The following NFASC variants were observed in gnomAD, a reference collection of about 807,000 sequenced individuals.
NFASC encodes neurofascin, also known as neurofascin homolog.
A neutral mutation model predicts 147.5 loss-of-function variants in NFASC; 43 were observed. The ratio of observed to expected loss-of-function variants is 0.29; its 90% CI spans 0.23 to 0.38. The LOEUF is 0.38. Among genes scored for constraint, NFASC ranks in the 10% least tolerant of loss-of-function variants. The probability of loss-of-function intolerance (pLI) is 1.00; values close to 1 mark genes in which losing one functional copy is unlikely to be tolerated. For missense variants in NFASC, 1,320 were observed against 1,689.0 expected, an observed-to-expected ratio of 0.78 and a Z score of 3.83; for synonymous variants, 622 against 665.5, an observed-to-expected ratio of 0.93 and a Z score of 1.01.
intron 1 of NFASC, among the ~76,000 whole-genome samples, chr1:204,883,055 G>A (rs1042833973): frequency 9.2e-5 from 14 of 152,064 alleles, no homozygotes; most frequent in African/African-American, 3.1e-4. Context: ...CTAGAGGTAG[G>A]GTGTGTTGGA....
rs143548351 is a variant in NFASC at position 204,880,148 on chromosome 1, G to T, written c.-199-40484G>T. 6.9e-3 allele frequency among the ~76,000 whole-genome samples: 1,054 copies of T among 152,194 alleles called. 15 individuals are homozygous for T. The highest frequency in any genetic ancestry group is 0.024 in the African/African-American group (1,006 of 41,512). ...AGAACCTCTTTTCTTCTCATCCCAG[G>T]AAGCCCCTCATCCCTGTCCATGTTT... On this transcript the variant is annotated intron_variant, in intron 1 of 29. Coordinates refer to ENST00000339876, the MANE Select transcript of NFASC (RefSeq NM_001005388.3).
intron 3 of NFASC, among the ~76,000 whole-genome samples, chr1:204,949,208 G>A (rs749299389): frequency 6.6e-6 from 1 of 152,272 alleles, no homozygotes; most frequent in Admixed American, 6.5e-5. Context: ...AGCATGTACG[G>A]CAGGGCCCTT....
At chr1:204,992,624 C>T (rs2095759706) in intron 24 of NFASC, among the ~76,000 whole-genome samples, 1 of 152,198 alleles carries the variant, frequency 6.6e-6, no homozygotes, top group Non-Finnish European at 1.5e-5. Context: ...CCTTGCCACA[C>T]TGGGGGCCTC....
At chr1:204,918,866 A>G (rs1466720166) in intron 1 of NFASC, among the ~76,000 whole-genome samples, 1 of 152,002 alleles carries the variant, frequency 6.6e-6, no homozygotes, top group Admixed American at 6.6e-5. Flanking sequence ...GATTATAGGC[A>G]TGAGCCACTG....
In NFASC at chr1:204,877,436, C is replaced by A. The variant is rs527547660; in HGVS notation, c.-199-43196C>A. On this transcript the variant is annotated intron_variant, in intron 1 of 29. Coordinates refer to ENST00000339876, the MANE Select transcript of NFASC (RefSeq NM_001005388.3). ...TATCAAAACTGCAAAATGGAACAGG[C>A]AGGCAGTTGGTTGAAATCGGGGGTG... 3.6e-4 allele frequency among the ~76,000 whole-genome samples: 54 copies of A among 152,058 alleles called. 1 individual carries two copies. Among genetic ancestry groups the A allele is most frequent in the African/African-American group, 1.2e-3 (50 of 41,470 alleles).
chr1:204,835,666 T>G (rs1445993934), intron 1 of NFASC, among the ~76,000 whole-genome samples: 1 of 152,126 alleles, frequency 6.6e-6, no homozygotes, highest in Non-Finnish European at 1.5e-5. Context: ...GTGCATGTAA[T>G]TCAGTAGTGA....
chr1:204,988,976 G>A, intron 23 of NFASC, 170 bp downstream of exon 23: 1 of 646,848 alleles, frequency 1.5e-6, no homozygotes, highest in East Asian at 2.7e-5. Context: ...GTAGGTGCTG[G>A]CATTGTATCT....
intron 2 of NFASC, among the ~76,000 whole-genome samples, chr1:204,938,852 C>G (rs1053532865): frequency 1.3e-5 from 2 of 152,148 alleles, no homozygotes; most frequent in Non-Finnish European, 2.9e-5. Flanking sequence ...ATTGAGGGCC[C>G]GGGAATCTGT....
chr1:204,983,965 A>C (rs2095557420), intron 21 of NFASC: 1 of 1,172,238 alleles, frequency 8.5e-7, no homozygotes, highest in African/African-American at 1.5e-5. Context: ...AGCAGAGAAC[A>C]AGTCAGAAGC....
At chr1:204,889,611 C>G (rs193059312) in intron 1 of NFASC, among the ~76,000 whole-genome samples, 4 of 152,302 alleles carry the variant, frequency 2.6e-5, no homozygotes, top group African/African-American at 9.6e-5. Context: ...CTTCTCAGCC[C>G]TGGGGACTTT....
chr1:204,979,430 G>A lies in NFASC; in HGVS notation c.2047G>A (p.Gly683Ser), dbSNP rs773998845. ...CTGGCATGACCATTCCAAGTACCCC[G>A]GCAGCGTTAACTCAGCCGTCCTCCG... ...GVWHDHSKYPGSVNSAVLRLS... is the reference protein window; with the variant it reads ...GVWHDHSKYPSSVNSAVLRLS... Residue 683 changes from glycine to serine, a missense_variant, in exon 19 of 30, where the codon GGC (glycine) becomes AGC (serine). Gly to Ser is a moderately conservative substitution (Grantham distance 56). Around this residue, in one of 3 missense-constraint regions of NFASC, gnomAD observed 981 missense variants for 1,289.5 expected, o/e 0.76. Transcript: ENST00000339876. The surrounding 1 kb of genome is among the most constrained non-coding windows in gnomAD (Gnocchi z 6.0). 12 of 1,614,076 alleles carry A rather than the reference G, an allele frequency of 7.4e-6. No individual in the cohort carries two copies. Among genetic ancestry groups the A allele is most frequent in the Middle Eastern group, 1.6e-4 (1 of 6,062 alleles).
Position 204,976,713 on chromosome 1 carries a change from A to C in NFASC, c.1749A>C (p.Ala583=). 1 of 1,614,026 alleles carries C rather than the reference A, an allele frequency of 6.2e-7. No individual in the cohort carries two copies. Among genetic ancestry groups the C allele is most frequent in the Non-Finnish European group, 8.5e-7 (1 of 1,179,934 alleles). The part of the protein sequence containing the change: ...EDDSLTIFGV[A]ERDQGSYTCV... ...ACTCCCTGACCATCTTTGGGGTGGC[A>C]GAGCGGGACCAGGGCAGTTACACGT... Residue 583 remains alanine, a synonymous_variant, in exon 16 of 30, where the codon GCA becomes GCC. Coordinates refer to ENST00000339876, the MANE Select transcript of NFASC (RefSeq NM_001005388.3).
chr1:204,874,325 T>G (rs2078312632), intron 1 of NFASC, among the ~76,000 whole-genome samples: 1 of 152,230 alleles, frequency 6.6e-6, no homozygotes, highest in Non-Finnish European at 1.5e-5. Context: ...GACCACATGC[T>G]AAATTCCAGT....
chr1:205,012,484 A>G (rs771631897), intron 28 of NFASC, among the ~76,000 whole-genome samples: 6 of 152,210 alleles, frequency 3.9e-5, no homozygotes, highest in Non-Finnish European at 7.4e-5. Flanking sequence ...GGCAAAGGAA[A>G]TGATCACATC....
intron 27 of NFASC, 181 bp from the exon 28 acceptor site, chr1:205,009,376 C>T (rs753292358): frequency 1.3e-6 from 1 of 765,996 alleles, no homozygotes; most frequent in Non-Finnish European, 2.4e-6. Context: ...GACCTTGGCT[C>T]TTTAATTATT....
chr1:204,885,389 T>TG (rs75200437), intron 1 of NFASC, among the ~76,000 whole-genome samples: 3,879 of 151,378 alleles, frequency 0.026, 142 homozygotes, highest in African/African-American at 0.085. Flanking sequence ...CTTTGCCCTG[T>TG]GGGGGGGGAA....
chr1:204,947,613 C>T (rs1010945493), intron 3 of NFASC, among the ~76,000 whole-genome samples: 4 of 123,480 alleles, frequency 3.2e-5, no homozygotes, highest in African/African-American at 1.2e-4. Flanking sequence ...TCCCACCCAT[C>T]CCCTCCCTCC....
intron 23 of NFASC, chr1:204,990,346 A>G (rs1470523580): frequency 1.3e-5 from 2 of 152,110 alleles, no homozygotes; most frequent in Non-Finnish European, 2.9e-5. Context: ...TTTCTTGATT[A>G]CTCAATTCTG....
chr1:204,902,904 G>A lies in NFASC; in HGVS notation c.-199-17728G>A, dbSNP rs117319494. Reference sequence around the variant, plus strand: ...AATTAAAAGTGAGGCCAGACGGCAGGGAGGTATGTGTGAATGTATTTCCGC... The same window carrying A: ...AATTAAAAGTGAGGCCAGACGGCAGAGAGGTATGTGTGAATGTATTTCCGC... On this transcript the variant is annotated intron_variant, in intron 1 of 29. Transcript: ENST00000339876. 3.1e-3 allele frequency among the ~76,000 whole-genome samples: 473 copies of A among 152,314 alleles called. 11 individuals carry two copies. The highest frequency in any genetic ancestry group is 8.5e-3 in the South Asian group (41 of 4,822).
Sources: allele counts gnomAD v4.1 joint callset (sites outside exome capture counted in the v4.1 genomes callset), GRCh38; gene constraint gnomAD v4.1.1; regional missense constraint gnomAD v4.1.1; non-coding constraint Gnocchi (gnomAD v3.1); transcripts MANE v1.5; gene names NCBI Gene and HGNC (gene_info 2026-07-23, HGNC 2026-07-21).